The following MICAL1 variants were observed in gnomAD, a reference collection of about 807,000 sequenced individuals.
The protein encoded by MICAL1 is [F-actin]-monooxygenase MICAL1.
Under a neutral mutation model 131.8 loss-of-function variants are expected in MICAL1, and 95 were observed. The ratio of observed to expected loss-of-function variants is 0.72; its 90% CI spans 0.61 to 0.86. The LOEUF (loss-of-function observed/expected upper bound fraction) is 0.86, where lower values mean the gene tolerates loss of function less well. Among genes scored for constraint, MICAL1 ranks in the 40% least tolerant of loss-of-function variants. The pLI is 0.00. For synonymous variants in MICAL1, 546 were observed against 554.2 expected, an observed-to-expected ratio of 0.99 and a Z score of 0.21; for missense variants, 1,292 against 1,380.6, an observed-to-expected ratio of 0.94 and a Z score of 1.02.
chr6:109,449,647 G>A lies in MICAL1; in HGVS notation c.1434+10C>T. 1 of 1,583,426 alleles carries A rather than the reference G, an allele frequency of 6.3e-7. No individual in the cohort carries two copies. Among genetic ancestry groups the A allele is most frequent in the Non-Finnish European group, 8.6e-7 (1 of 1,164,274 alleles). On this transcript the variant is annotated intron_variant, in intron 10 of 24. Transcript: ENST00000358807. ...CTTGGGAAGGCTGGTGGGTGTGTCG[G>A]GGGTCTGACCTGATTGGGGGTCACT...
Position 109,453,865 on chromosome 6 carries a change from T to G in MICAL1, c.259-20A>C, listed in dbSNP as rs1775641491. The G allele has an allele frequency of 1.9e-6, 3 of 1,612,128 alleles. No homozygotes were observed. Among genetic ancestry groups the G allele is most frequent in the Admixed American group, 1.7e-5 (1 of 60,006 alleles). ...CAGGCACTGTGAACACACAGGGCAG[T>G]GAGGGCATGGCATCCTGTCCGTCCT... On this transcript the variant is annotated intron_variant, in intron 2 of 24. Transcript: ENST00000358807.
Position 109,444,285 on chromosome 6 carries a change from A to G in MICAL1, c.3110T>C (p.Leu1037Pro), listed in dbSNP as rs1167882969. 6.2e-7 allele frequency: 1 copy of G among 1,613,532 alleles called. No individual in the cohort carries two copies. Among genetic ancestry groups the G allele is most frequent in the Admixed American group, 1.7e-5 (1 of 60,016 alleles). ...RQAEDQVLRKLVDLVNQRDAL... is the reference protein window; with the variant it reads ...RQAEDQVLRKPVDLVNQRDAL... ...ATCTCTCTGGTTGACCAAATCCACC[A>G]GCTTCCTCAGGACCTGGTCCTCAGC... Residue 1037 changes from leucine (L) to proline (P), a missense_variant, in exon 25 of 25, where the codon CTG (leucine) becomes CCG (proline). Transcript: ENST00000358807.
upstream of MICAL1, among the ~76,000 whole-genome samples, chr6:109,460,583 T>C (rs1775862095): frequency 6.6e-6 from 1 of 151,830 alleles, no homozygotes; most frequent in South Asian, 2.1e-4. Flanking sequence ...GCTGCTTAAT[T>C]ATGTGTAAAG....
intron 7 of MICAL1, among the ~76,000 whole-genome samples, chr6:109,451,159 T>A (rs897437345): frequency 1.3e-5 from 2 of 151,070 alleles, no homozygotes; most frequent in African/African-American, 2.4e-5. Flanking sequence ...GAACTTTTTT[T>A]TTTTTTTTTT....
At position 109,446,208 on chromosome 6, in the gene MICAL1, A is replaced by G; in HGVS notation, c.2509T>C (p.Cys837Arg). ...MEPPPKPPRS[C>R]SALARHALES... ...AGGGCGTGGCGGGCCAAGGCGGAGC[A>G]GCTGCGGGGAGGCTTGGGTGGAGGC... The change falls in exon 19 of 25, where the codon TGC becomes CGC. Residue 837 changes from cysteine to arginine, a missense_variant. By Grantham distance (180) the Cys-to-Arg change is radical. Transcript: ENST00000358807. 3 of 1,599,262 alleles carry G rather than the reference A, an allele frequency of 1.9e-6. No homozygotes were observed. Among genetic ancestry groups the G allele is most frequent in the Non-Finnish European group, 2.6e-6 (3 of 1,173,822 alleles).
chr6:109,460,501 T>C (rs1775858108), upstream of MICAL1, among the ~76,000 whole-genome samples: 1 of 131,486 alleles, frequency 7.6e-6, no homozygotes, highest in African/African-American at 3.0e-5. Flanking sequence ...TGTTTCAAGT[T>C]AGAATGAAAT....
At position 109,451,532 on chromosome 6, in the gene MICAL1, T is replaced by G. The variant is rs965817004; in HGVS notation, c.933+68A>C. On this transcript the variant is annotated intron_variant, in intron 7 of 24. Transcript: ENST00000358807. ...GGTCCCCACACCCAGGTGTCGACTA[T>G]GTCCAAGCCTAGCCTCTGCCTCCCG... The G allele has an allele frequency of 1.9e-6, 3 of 1,586,876 alleles. No homozygotes were observed. The South Asian group carries it at 3.4e-5, about 18-fold the overall frequency.
chr6:109,460,423 CGT>C (rs1775855221), upstream of MICAL1, among the ~76,000 whole-genome samples: 1 of 121,640 alleles, frequency 8.2e-6, no homozygotes. Flanking sequence ...CAAGACCCTA[CGT>C]AAAAAAAAAA....
chr6:109,447,658 G>C, intron 15 of MICAL1, 23 bp downstream of exon 15: 1 of 1,613,632 alleles, frequency 6.2e-7, no homozygotes, highest in Non-Finnish European at 8.5e-7. Flanking sequence ...GTAGGAGACC[G>C]ACCCGCCCCT....
At chr6:109,448,606 G>T in intron 12 of MICAL1, 126 bp downstream of exon 12, 1 of 1,410,874 alleles carries the variant, frequency 7.1e-7, no homozygotes. Flanking sequence ...TCCACTATCT[G>T]AATGCATTAG....
In MICAL1 at chr6:109,447,691, A is replaced by C. The variant is rs562686887; in HGVS notation, c.1976T>G (p.Leu659Arg). The stretch of plus-strand genomic sequence containing the variant: ...CCTGCCTGCATTCACCTCCAAGCGC[A>C]GCTTCTTGCCACCAGCATCCTCTGC... Reference protein sequence around the residue: ...ENAEDAGGKKLRLEMEAETPS... With the variant: ...ENAEDAGGKKRRLEMEAETPS... The change falls in exon 15 of 25, where the codon CTG becomes CGG. Residue 659 changes from leucine to arginine, a missense_variant. Coordinates refer to ENST00000358807, the MANE Select transcript of MICAL1 (RefSeq NM_022765.4). 1 of 1,614,054 alleles carries C rather than the reference A, an allele frequency of 6.2e-7. No homozygotes were observed. The highest frequency in any genetic ancestry group is 2.2e-5 in the East Asian group (1 of 44,872).
Position 109,447,350 on chromosome 6 carries a change from C to T in MICAL1, c.2070+7G>A, listed in dbSNP as rs1257745194. ...GCCTCTGCCTGCACACAAAGCCTGG[C>T]TCTCACCTCCTGGTGTTGGGATGGG... On this transcript the variant is annotated splice_region_variant and intron_variant, in intron 16 of 24. Transcript: ENST00000358807. 2 of 1,614,008 alleles carry T rather than the reference C, an allele frequency of 1.2e-6. No homozygotes were observed. Among genetic ancestry groups the T allele is most frequent in the Admixed American group, 1.7e-5 (1 of 60,000 alleles).
chr6:109,447,871 C>T lies in MICAL1; in HGVS notation c.1944+4G>A, dbSNP rs1457323760. ...TCAGCTCCAGCCCTGCCTAAACTCT[C>T]CACCTTGGCCCGGGATCGCTGCAGG... On this transcript the variant is annotated splice_donor_region_variant and intron_variant, in intron 14 of 24. Transcript: ENST00000358807. The T allele has an allele frequency of 1.2e-6, 2 of 1,613,066 alleles. No individual in the cohort carries two copies. Among genetic ancestry groups the T allele is most frequent in the African/African-American group, 2.7e-5 (2 of 74,830 alleles).
upstream of MICAL1, among the ~76,000 whole-genome samples, chr6:109,458,601 A>G (rs1280066720): frequency 6.6e-6 from 1 of 152,138 alleles, no homozygotes; most frequent in Non-Finnish European, 1.5e-5. Flanking sequence ...CGTCCAAAAA[A>G]AGAAAAAAAG....
intron 13 of MICAL1, 102 bp downstream of exon 13, chr6:109,448,097 GACAC>G (rs377004839): frequency 2.8e-4 from 312 of 1,126,350 alleles, no homozygotes; most frequent in Middle Eastern, 9.6e-4. Context: ...TCCTCTTTCT[GACAC>G]ACACACACAC....
In MICAL1 at chr6:109,444,115, C is replaced by A; in HGVS notation, c.*76G>T. The A allele has an allele frequency of 6.5e-7, 1 of 1,548,262 alleles. No homozygotes were observed. Among genetic ancestry groups the A allele is most frequent in the South Asian group, 1.2e-5 (1 of 84,986 alleles). On this transcript the variant is annotated 3_prime_UTR_variant, in exon 25 of 25. Coordinates refer to ENST00000358807, the MANE Select transcript of MICAL1 (RefSeq NM_022765.4). Reference sequence around the variant, plus strand: ...CAGCAAGGCTCTCTGCCAGGCAGCCCAGATGAACAGGGGTGGCACTGTGCT... The same window carrying A: ...CAGCAAGGCTCTCTGCCAGGCAGCCAAGATGAACAGGGGTGGCACTGTGCT...
Position 109,453,823 on chromosome 6 carries a change from G to A in MICAL1, c.281C>T (p.Pro94Leu), listed in dbSNP as rs772032931. Residue 94 changes from proline (P) to leucine (L), a missense_variant, in exon 3 of 25, where the codon CCT becomes CTT. By Grantham distance (98) the Pro-to-Leu change is moderately conservative. Transcript: ENST00000358807. The stretch of plus-strand genomic sequence containing the variant: ...CTCCACAGCGACCCGCAGCCCGCAA[G>A]GTCCAGCACCCACCACCAGGCACTG... ...STKCLVVGAG[P>L]CGLRVAVELA... 1.9e-6 allele frequency: 3 copies of A among 1,613,514 alleles called. No homozygotes were observed. Among genetic ancestry groups the A allele is most frequent in the South Asian group, 2.2e-5 (2 of 91,072 alleles).
At chr6:109,451,723 A>G (rs1374601371) in intron 6 of MICAL1, 23 bp from the exon 7 acceptor site, 2 of 1,612,788 alleles carry the variant, frequency 1.2e-6, no homozygotes, top group Admixed American at 3.3e-5. Flanking sequence ...GGCAGGGGAC[A>G]GTAGATATGT....
intron 1 of MICAL1, among the ~76,000 whole-genome samples, chr6:109,462,205 A>G (rs541653018): frequency 1.3e-5 from 2 of 152,366 alleles, no homozygotes; most frequent in African/African-American, 4.8e-5. Context: ...AGAGGGAAGG[A>G]CATGTGAAGA....
Sources: allele counts gnomAD v4.1 joint callset (sites outside exome capture counted in the v4.1 genomes callset), GRCh38; gene constraint gnomAD v4.1.1; transcripts MANE v1.5; gene names NCBI Gene and HGNC (gene_info 2026-07-23, HGNC 2026-07-21).